The following GRID2 variants were observed in gnomAD, a reference collection of about 807,000 sequenced individuals.
GRID2 encodes the protein glutamate ionotropic receptor delta type subunit 2, also known as glutamate receptor ionotropic, delta-2.
GRID2 carries 33 observed loss-of-function variants against 114.8 expected under a neutral mutation model. The ratio of observed to expected loss-of-function variants is 0.29; its 90% CI spans 0.22 to 0.38. The LOEUF is 0.38. Among genes scored for constraint, GRID2 ranks in the 10% least tolerant of loss-of-function variants. The pLI, the probability that GRID2 is intolerant of heterozygous loss-of-function variation, is 1.00. For missense variants in GRID2, 1,184 were observed against 1,257.7 expected (o/e 0.94, Z 0.89); for synonymous variants, 505 against 449.9 (o/e 1.12, Z -1.55).
chr4:92,589,184 A>G (rs1471533611), intron 1 of GRID2, among the ~76,000 whole-genome samples: 1 of 152,212 alleles, frequency 6.6e-6, no homozygotes. Context: ...TATAATACAC[A>G]CTGTGTATAT....
At chr4:93,689,179 T>C (rs1438280173) in intron 14 of GRID2, among the ~76,000 whole-genome samples, 1 of 152,016 alleles carries the variant, frequency 6.6e-6, no homozygotes, top group Admixed American at 6.6e-5. Flanking sequence ...GCTGACACCT[T>C]GATCTCAGTC....
At chr4:93,076,278 C>T (rs1179231588) in intron 2 of GRID2, among the ~76,000 whole-genome samples, 2 of 151,770 alleles carry the variant, frequency 1.3e-5, no homozygotes, top group African/African-American at 4.8e-5. Flanking sequence ...CAGGAAGATA[C>T]AATAGCAAGG....
chr4:93,728,372 C>A (rs1370397142), intron 14 of GRID2, among the ~76,000 whole-genome samples: 1 of 152,040 alleles, frequency 6.6e-6, no homozygotes, highest in East Asian at 1.9e-4. Flanking sequence ...AATTTCTGTT[C>A]TTTTATATTT....
chr4:93,316,977 A>G (rs566687301), intron 8 of GRID2, among the ~76,000 whole-genome samples: 1 of 152,262 alleles, frequency 6.6e-6, no homozygotes, highest in Admixed American at 6.6e-5. Context: ...AAACCAGACC[A>G]TAACTAAGAA....
intron 14 of GRID2, among the ~76,000 whole-genome samples, chr4:93,649,524 A>G (rs1298078878): frequency 6.6e-6 from 1 of 152,206 alleles, no homozygotes; most frequent in Non-Finnish European, 1.5e-5. Flanking sequence ...TTAAAGAAGG[A>G]AAACAAGTCT....
intron 2 of GRID2, among the ~76,000 whole-genome samples, chr4:93,072,192 T>G (rs1472011121): frequency 6.6e-6 from 1 of 152,120 alleles, no homozygotes; most frequent in African/African-American, 2.4e-5. Flanking sequence ...AAACTCTAAT[T>G]TTTTTCAAGC....
chr4:92,317,101 G>T (rs1726027762), intron 1 of GRID2, among the ~76,000 whole-genome samples: 1 of 152,072 alleles, frequency 6.6e-6, no homozygotes, highest in Non-Finnish European at 1.5e-5. Flanking sequence ...ATTGCATTAA[G>T]CATGATTTCT....
intron 2 of GRID2, among the ~76,000 whole-genome samples, chr4:92,828,622 A>AACTAATT (rs1479437192): frequency 2.6e-5 from 4 of 152,058 alleles, no homozygotes; most frequent in Non-Finnish European, 5.9e-5. Flanking sequence ...TCTGACTTTT[A>AACTAATT]ACTAATTACA....
Position 93,495,391 on chromosome 4 carries a change from A to G in GRID2, c.1997+4614A>G, listed in dbSNP as rs796284635. ...GAGCAATTTTTTTCTAAGTGTTCACAGGTGAGTATGATCTAATTATGCTTA... is the reference window on the plus strand; with the variant it reads ...GAGCAATTTTTTTCTAAGTGTTCACGGGTGAGTATGATCTAATTATGCTTA... On this transcript the variant is annotated intron_variant, in intron 12 of 15. Transcript: ENST00000282020. Among the ~76,000 whole-genome samples, 4 of 151,982 alleles carry G rather than the reference A, an allele frequency of 2.6e-5. No homozygotes were observed. In the South Asian group the frequency reaches 8.3e-4, roughly 31 times the overall value.
At chr4:93,680,637 T>C (rs1446613736) in intron 14 of GRID2, among the ~76,000 whole-genome samples, 1 of 150,644 alleles carries the variant, frequency 6.6e-6, no homozygotes, top group African/African-American at 2.5e-5. Flanking sequence ...CGCAAATCAA[T>C]AAATGTAATC....
Position 93,022,170 on chromosome 4 carries a change from A to G in GRID2, c.245-62825A>G, listed in dbSNP as rs140021642. ...TGTATATGTATATGCAGATGTATCT[A>G]TCTTTGATTATGTCCTTTTTCATAC... On this transcript the variant is annotated intron_variant, in intron 2 of 15. Coordinates refer to ENST00000282020, the MANE Select transcript of GRID2 (RefSeq NM_001510.4). Among the ~76,000 whole-genome samples the G allele has an allele frequency of 2.2e-3, 335 of 151,888 alleles. 1 individual carries two copies. Among genetic ancestry groups the G allele is most frequent in the Non-Finnish European group, 3.6e-3 (243 of 67,792 alleles).
At chr4:92,421,912 C>T (rs571190023) in intron 1 of GRID2, among the ~76,000 whole-genome samples, 1 of 152,046 alleles carries the variant, frequency 6.6e-6, no homozygotes, top group Non-Finnish European at 1.5e-5. Context: ...AGAAAAAGTT[C>T]CTCGCTTCTT....
intron 2 of GRID2, among the ~76,000 whole-genome samples, chr4:92,969,184 T>C (rs1467127439): frequency 6.6e-6 from 1 of 151,484 alleles, no homozygotes; most frequent in Non-Finnish European, 1.5e-5. Context: ...TATTTTTGAA[T>C]TCCCCTAGCA....
intron 3 of GRID2, among the ~76,000 whole-genome samples, chr4:93,089,205 A>C (rs1201555772): frequency 1.3e-5 from 2 of 152,204 alleles, no homozygotes; most frequent in African/African-American, 4.8e-5. Flanking sequence ...AGATATAAGA[A>C]TAAGATTAAT....
intron 1 of GRID2, among the ~76,000 whole-genome samples, chr4:92,530,715 C>CA (rs1329989024): frequency 7.1e-6 from 1 of 140,716 alleles, no homozygotes; most frequent in African/African-American, 2.7e-5. Context: ...GACTGACCAA[C>CA]ATAGTGAAAC....
At chr4:93,183,328 A>C (rs1247799509) in intron 4 of GRID2, among the ~76,000 whole-genome samples, 1 of 152,184 alleles carries the variant, frequency 6.6e-6, no homozygotes, top group Non-Finnish European at 1.5e-5. Context: ...ATAATACTAA[A>C]CAGAATGTCA....
At chr4:92,582,894 G>A (rs1265034826) in intron 1 of GRID2, among the ~76,000 whole-genome samples, 2 of 151,938 alleles carry the variant, frequency 1.3e-5, no homozygotes, top group African/African-American at 2.4e-5. Context: ...AGCAGAGACA[G>A]GAGGATCAGG....
intron 2 of GRID2, among the ~76,000 whole-genome samples, chr4:93,027,583 A>G (rs908199668): frequency 6.6e-6 from 1 of 152,128 alleles, no homozygotes; most frequent in African/African-American, 2.4e-5. Flanking sequence ...TTCAAAGCAC[A>G]TTCATATGTT....
At chr4:93,779,784 A>G (rs1317616577) in intron 1 of GRID2, among the ~76,000 whole-genome samples, 1 of 152,210 alleles carries the variant, frequency 6.6e-6, no homozygotes, top group African/African-American at 2.4e-5. Context: ...GTGCAACCAT[A>G]GGACAAGCGT....
Sources: allele counts gnomAD v4.1 joint callset (sites outside exome capture counted in the v4.1 genomes callset), GRCh38; gene constraint gnomAD v4.1.1; transcripts MANE v1.5; gene names NCBI Gene and HGNC (gene_info 2026-07-23, HGNC 2026-07-21).